Variants in AIM2 observed in about 807,000 individuals in gnomAD.
The protein encoded by AIM2 is interferon-inducible protein AIM2.
In AIM2, 30 loss-of-function variants were observed where a neutral mutation model predicts 27.7. The ratio of observed to expected loss-of-function variants is 1.08; its 90% confidence interval spans 0.81 to 1.47. The LOEUF (loss-of-function observed/expected upper bound fraction) is 1.47, where lower values mean the gene tolerates loss of function less well. Among genes scored for constraint, AIM2 ranks in the 40% most tolerant of loss-of-function variants. The probability of loss-of-function intolerance (pLI) is 0.00; values close to 1 mark genes in which losing one functional copy is unlikely to be tolerated. For synonymous variants in AIM2, 141 were observed against 145.3 expected (o/e 0.97, Z 0.21); for missense variants, 358 against 411.3 (o/e 0.87, Z 1.12).
At chr1:159,139,272 T>C (rs929229560) in intron 1 of AIM2, among the ~76,000 whole-genome samples, 4 of 152,136 alleles carry the variant, frequency 2.6e-5, no homozygotes, top group Non-Finnish European at 4.4e-5. Context: ...GCTAGAAAAC[T>C]CCAATCAGAC....
chr1:159,108,716 A>G (rs943790431), intron 1 of AIM2, among the ~76,000 whole-genome samples: 1 of 152,238 alleles, frequency 6.6e-6, no homozygotes, highest in African/African-American at 2.4e-5. Flanking sequence ...AAATTAATGT[A>G]CACAAATCAG....
At chr1:159,118,114 G>A (rs1186361603) in intron 1 of AIM2, among the ~76,000 whole-genome samples, 3 of 152,024 alleles carry the variant, frequency 2.0e-5, no homozygotes, top group Non-Finnish European at 2.9e-5. Flanking sequence ...CCAACATCCA[G>A]GCCATACTCA....
Position 159,066,037 on chromosome 1 carries a change from G to A in AIM2, c.689C>T (p.Ala230Val), listed in dbSNP as rs1305038517. Residue 230 changes from alanine to valine, a missense_variant, in exon 4 of 6, where the codon GCT becomes GTT. Coordinates refer to ENST00000368130, the MANE Select transcript of AIM2 (RefSeq NM_004833.3). ...GACATTAACCTTTTGGTCAGATTCA[G>A]CATCTAACACACGTGAGGCGCTATT... ...EVNSASRVLDAESDQKVNVPL... is the reference protein window; with the variant it reads ...EVNSASRVLDVESDQKVNVPL... 7.4e-6 allele frequency: 12 copies of A among 1,614,020 alleles called. No individual in the cohort carries two copies. In the Admixed American group the frequency reaches 2.0e-4, roughly 27 times the overall value.
At position 159,135,896 on chromosome 1, in the gene AIM2, T is replaced by A. The variant is rs186601016; in HGVS notation, c.-16+4535A>T. 4.2e-3 allele frequency among the ~76,000 whole-genome samples: 638 copies of A among 152,294 alleles called. 6 individuals carry two copies. Among genetic ancestry groups the A allele is most frequent in the South Asian group, 0.036 (176 of 4,824 alleles). On this transcript the variant is annotated intron_variant, in intron 1 of 2. Coordinates refer to the AIM2 transcript ENST00000368129. The stretch of plus-strand genomic sequence containing the variant: ...GTCTCTTCCCAGCTCCCCAGGCATT[T>A]GTTTTTAGTCTAATTCCATCTCTGT...
intron 1 of AIM2, among the ~76,000 whole-genome samples, chr1:159,087,722 A>G (rs1446199873): frequency 6.6e-6 from 1 of 151,812 alleles, no homozygotes; most frequent in Non-Finnish European, 1.5e-5. Context: ...ACAAGTGCCC[A>G]CCACCACGCC....
At chr1:159,117,971 T>A (rs530108592) in intron 1 of AIM2, among the ~76,000 whole-genome samples, 1 of 152,332 alleles carries the variant, frequency 6.6e-6, no homozygotes, top group African/African-American at 2.4e-5. Flanking sequence ...ATGAAGCATT[T>A]GAAACCGGGT....
At chr1:159,145,314 T>C (rs990273999), upstream of AIM2, among the ~76,000 whole-genome samples, 2 of 152,142 alleles carry the variant, frequency 1.3e-5, no homozygotes, top group Admixed American at 1.3e-4. Context: ...TCTTGCCCCA[T>C]ATTCATTTCT....
intron 1 of AIM2, among the ~76,000 whole-genome samples, chr1:159,083,361 T>G (rs1002508811): frequency 6.6e-6 from 1 of 152,150 alleles, no homozygotes; most frequent in Non-Finnish European, 1.5e-5. Flanking sequence ...TGGCTAAAAT[T>G]GAAAACTAGG....
downstream of AIM2, among the ~76,000 whole-genome samples, chr1:159,061,265 G>A (rs2101955853): frequency 6.6e-6 from 1 of 152,218 alleles, no homozygotes; most frequent in African/African-American, 2.4e-5. Flanking sequence ...CCTTAAAGAT[G>A]AATTATGTTG....
chr1:159,137,444 C>T (rs1162351523), intron 1 of AIM2, among the ~76,000 whole-genome samples: 1 of 152,072 alleles, frequency 6.6e-6, no homozygotes, highest in Non-Finnish European at 1.5e-5. Context: ...ATCACTTGAT[C>T]TAAGGAGTTC....
chr1:159,133,433 T>C (rs1427190458), intron 1 of AIM2, among the ~76,000 whole-genome samples: 3 of 152,222 alleles, frequency 2.0e-5, no homozygotes, highest in Non-Finnish European at 4.4e-5. Context: ...TATTTTTGTT[T>C]GACTCCTCAT....
chr1:159,075,634 A>C (rs76839161), intron 1 of AIM2, among the ~76,000 whole-genome samples: 10,084 of 150,784 alleles, frequency 0.067, 657 homozygotes, highest in East Asian at 0.31. Context: ...AGAGAGAGAG[A>C]GCTAATAGAG....
At position 159,073,507 on chromosome 1, in the gene AIM2, C is replaced by T. The variant is rs909204337; in HGVS notation, c.-8G>A. ...CTTGTATTTACTCTCCATCTGACAA[C>T]TTTGGGATCAGCCTATAAGGAATCC... On this transcript the variant is annotated 5_prime_UTR_variant, in exon 2 of 6. Transcript: ENST00000368130. 11 of 1,612,690 alleles carry T rather than the reference C, an allele frequency of 6.8e-6. No homozygotes were observed. The highest frequency in any genetic ancestry group is 9.3e-6 in the Non-Finnish European group (11 of 1,179,092).
chr1:159,124,882 A>G (rs1386032921), intron 1 of AIM2, among the ~76,000 whole-genome samples: 1 of 152,220 alleles, frequency 6.6e-6, no homozygotes, highest in East Asian at 1.9e-4. Context: ...TTCCAGGTGC[A>G]TCTTAGGTGG....
chr1:159,141,445 G>C (rs952186862), upstream of AIM2, among the ~76,000 whole-genome samples: 7 of 152,142 alleles, frequency 4.6e-5, no homozygotes, highest in Non-Finnish European at 1.0e-4. Flanking sequence ...TGTAAGAGAG[G>C]AATACAGAAA....
intron 1 of AIM2, among the ~76,000 whole-genome samples, chr1:159,106,797 T>C (rs1657457644): frequency 6.6e-6 from 1 of 152,252 alleles, no homozygotes; most frequent in Non-Finnish European, 1.5e-5. Flanking sequence ...CAACTAGCCT[T>C]ATACCTTTCA....
At chr1:159,119,081 G>A (rs577482699) in intron 1 of AIM2, among the ~76,000 whole-genome samples, 3 of 152,070 alleles carry the variant, frequency 2.0e-5, no homozygotes, top group South Asian at 2.1e-4. Flanking sequence ...CTTGGGATCC[G>A]CTCCTCTTTT....
At position 159,073,531 on chromosome 1, in the gene AIM2, C is replaced by T. The variant is rs946402278; in HGVS notation, c.-20-12G>A. Reference sequence around the variant, plus strand: ...ACTTTGGGATCAGCCTATAAGGAATCCAAAACATGTAAGATTACACCACCA... The same window carrying T: ...ACTTTGGGATCAGCCTATAAGGAATTCAAAACATGTAAGATTACACCACCA... On this transcript the variant is annotated splice_polypyrimidine_tract_variant and intron_variant, in intron 1 of 5. Transcript: ENST00000368130. 1.1e-5 allele frequency: 17 copies of T among 1,591,786 alleles called. No homozygotes were observed. Among genetic ancestry groups the T allele is most frequent in the Non-Finnish European group, 1.4e-5 (16 of 1,165,056 alleles).
chr1:159,085,558 T>C (rs1656888964), intron 1 of AIM2, among the ~76,000 whole-genome samples: 1 of 152,070 alleles, frequency 6.6e-6, no homozygotes, highest in African/African-American at 2.4e-5. Flanking sequence ...GATGTTTAAT[T>C]GAATATATAA....
Sources: allele counts gnomAD v4.1 joint callset (sites outside exome capture counted in the v4.1 genomes callset), GRCh38; gene constraint gnomAD v4.1.1; transcripts MANE v1.5; gene names NCBI Gene and HGNC (gene_info 2026-07-23, HGNC 2026-07-21).